The following DCC variants were observed in gnomAD, a reference collection of about 807,000 sequenced individuals.
The protein encoded by DCC is netrin receptor DCC.
A neutral mutation model predicts 172.5 loss-of-function variants in DCC; 58 were observed. That is an observed-to-expected ratio of 0.34 (90% CI 0.27 to 0.42). The LOEUF (loss-of-function observed/expected upper bound fraction) is 0.42, where lower values mean the gene tolerates loss of function less well. DCC is among the 10% of genes least tolerant of loss of function. DCC has a pLI of 1.00. For synonymous variants in DCC, 709 were observed against 644.5 expected (o/e 1.10, Z -1.52); for missense variants, 1,740 against 1,791.0 (o/e 0.97, Z 0.51).
intron 19 of DCC, among the ~76,000 whole-genome samples, chr18:53,404,547 C>T (rs1033725008): frequency 7.3e-5 from 11 of 151,634 alleles, no homozygotes; most frequent in African/African-American, 1.9e-4. Flanking sequence ...CTGGCTAACA[C>T]GGTGAAACCC....
intron 1 of DCC, among the ~76,000 whole-genome samples, chr18:52,459,756 A>G (rs183693575): frequency 3.9e-5 from 6 of 152,030 alleles, no homozygotes; most frequent in Admixed American, 3.9e-4. Flanking sequence ...GGCGTGAGCA[A>G]CCGCGCCCAG....
intron 2 of DCC, among the ~76,000 whole-genome samples, chr18:52,800,852 T>C (rs2037971695): frequency 6.6e-6 from 1 of 152,202 alleles, no homozygotes. Context: ...ATCTATTTAT[T>C]TTATTCATAA....
At chr18:52,594,561 T>A (rs1181375386) in intron 1 of DCC, among the ~76,000 whole-genome samples, 1 of 152,144 alleles carries the variant, frequency 6.6e-6, no homozygotes, top group Non-Finnish European at 1.5e-5. Flanking sequence ...ATTACATGTG[T>A]TTGGTCATTC....
At chr18:53,190,842 A>T (rs1014849575) in intron 9 of DCC, among the ~76,000 whole-genome samples, 1 of 152,136 alleles carries the variant, frequency 6.6e-6, no homozygotes, top group African/African-American at 2.4e-5. Flanking sequence ...GCTACTGGGG[A>T]GGCCAAGGCA....
At chr18:53,490,791 T>C (rs1481542111) in intron 26 of DCC, among the ~76,000 whole-genome samples, 1 of 152,208 alleles carries the variant, frequency 6.6e-6, no homozygotes, top group Non-Finnish European at 1.5e-5. Flanking sequence ...GTTGCTATTG[T>C]ATTTGTTAAA....
intron 3 of DCC, among the ~76,000 whole-genome samples, chr18:52,912,071 G>T (rs1161458490): frequency 2.0e-5 from 3 of 151,876 alleles, no homozygotes; most frequent in African/African-American, 4.8e-5. Flanking sequence ...AATATTAAAA[G>T]TTCCCAACTT....
At chr18:52,481,949 T>C (rs1414277663) in intron 1 of DCC, among the ~76,000 whole-genome samples, 1 of 152,144 alleles carries the variant, frequency 6.6e-6, no homozygotes. Context: ...AATGTATTGT[T>C]ACTTTCCAGA....
At position 53,391,721 on chromosome 18, in the gene DCC, C is replaced by T. The variant is rs762601117; in HGVS notation, c.2522C>T (p.Ser841Phe). Residue 841 changes from serine (S) to phenylalanine (F), a missense_variant, in exon 17 of 29, where the codon TCC (serine) becomes TTC (phenylalanine). Physicochemically the swap from Ser to Phe is radical, Grantham distance 155. Transcript: ENST00000442544. Reference protein sequence around the residue: ...DDFPTSVPDLSTPMLPPVGVQ... With the variant: ...DDFPTSVPDLFTPMLPPVGVQ... ...TTCCCCACCTCGGTCCCAGATCTCT[C>T]CACCCCCATGCTCCCACCAGTAGGT... The T allele has an allele frequency of 1.2e-6, 2 of 1,614,002 alleles. No individual in the cohort carries two copies. The highest frequency in any genetic ancestry group is 2.7e-5 in the African/African-American group (2 of 74,898).
chr18:53,338,633 C>G (rs940096388), intron 14 of DCC, among the ~76,000 whole-genome samples: 1 of 152,114 alleles, frequency 6.6e-6, no homozygotes, highest in African/African-American at 2.4e-5. Context: ...GAATAATGAT[C>G]AGTGTCCAGA....
intron 21 of DCC, among the ~76,000 whole-genome samples, chr18:53,429,588 C>G (rs1260645368): frequency 6.6e-6 from 1 of 152,012 alleles, no homozygotes; most frequent in Non-Finnish European, 1.5e-5. Flanking sequence ...AAAAATACTA[C>G]TACTTATGAT....
At chr18:53,405,932 A>T (rs1909626849) in intron 19 of DCC, among the ~76,000 whole-genome samples, 1 of 152,194 alleles carries the variant, frequency 6.6e-6, no homozygotes, top group South Asian at 2.1e-4. Flanking sequence ...GTTTTGCTCC[A>T]ATTTATTAGT....
At chr18:52,961,250 C>A (rs998629947) in intron 5 of DCC, among the ~76,000 whole-genome samples, 14 of 151,926 alleles carry the variant, frequency 9.2e-5, no homozygotes, top group Admixed American at 2.6e-4. Flanking sequence ...ATGTAACAAA[C>A]CTGCACGTTG....
At chr18:52,351,173 A>G (rs1044333488) in intron 1 of DCC, among the ~76,000 whole-genome samples, 1 of 151,960 alleles carries the variant, frequency 6.6e-6, no homozygotes, top group African/African-American at 2.4e-5. Context: ...GGTAAAAAAA[A>G]GTGAGCTCAA....
intron 1 of DCC, among the ~76,000 whole-genome samples, chr18:52,492,573 C>A (rs182922207): frequency 6.6e-6 from 1 of 151,768 alleles, no homozygotes; most frequent in Non-Finnish European, 1.5e-5. Context: ...TTCATGATTT[C>A]TCCTTGCTGA....
At chr18:53,482,885 C>T (rs146974355) in intron 25 of DCC, among the ~76,000 whole-genome samples, 11 of 151,812 alleles carry the variant, frequency 7.2e-5, no homozygotes, top group Middle Eastern at 3.4e-3. Context: ...TCTGGTATGG[C>T]TTATATTTAC....
chr18:52,525,583 C>T (rs772861493), intron 1 of DCC, among the ~76,000 whole-genome samples: 1 of 152,222 alleles, frequency 6.6e-6, no homozygotes, highest in Non-Finnish European at 1.5e-5. Context: ...CTAAATTATT[C>T]ACTATTTAAC....
intron 1 of DCC, among the ~76,000 whole-genome samples, chr18:52,661,459 A>T (rs180955298): frequency 6.6e-6 from 1 of 152,302 alleles, no homozygotes; most frequent in Non-Finnish European, 1.5e-5. Context: ...GGACTAAGTG[A>T]AAGGCAGGCA....
intron 1 of DCC, among the ~76,000 whole-genome samples, chr18:52,516,505 C>A (rs954060119): frequency 6.6e-6 from 1 of 152,142 alleles, no homozygotes; most frequent in African/African-American, 2.4e-5. Flanking sequence ...AGGAACTGAA[C>A]AAACTGTACT....
At chr18:53,132,214 G>A (rs2043667507) in intron 7 of DCC, among the ~76,000 whole-genome samples, 1 of 152,116 alleles carries the variant, frequency 6.6e-6, no homozygotes, top group African/African-American at 2.4e-5. Context: ...AGTCTAACCA[G>A]TGATGTGCTG....
Sources: allele counts gnomAD v4.1 joint callset (sites outside exome capture counted in the v4.1 genomes callset), GRCh38; gene constraint gnomAD v4.1.1; transcripts MANE v1.5; gene names NCBI Gene and HGNC (gene_info 2026-07-23, HGNC 2026-07-21).